The following COL5A2 variants were observed in gnomAD, a reference collection of about 807,000 sequenced individuals.
COL5A2 encodes collagen type V alpha 2 chain.
Under a neutral mutation model 208.2 loss-of-function variants are expected in COL5A2, and 23 were observed. The ratio of observed to expected loss-of-function variants is 0.11; its 90% CI spans 0.08 to 0.16. The LOEUF (loss-of-function observed/expected upper bound fraction) is 0.16, where lower values mean the gene tolerates loss of function less well. COL5A2 is among the 10% of genes least tolerant of loss of function. COL5A2 has a pLI of 1.00. For missense variants in COL5A2, 1,590 were observed against 1,956.4 expected (o/e 0.81, Z 3.53); for synonymous variants, 625 against 628.5 (o/e 0.99, Z 0.08).
the COL5A2 span, among the ~76,000 whole-genome samples, chr2:189,253,576 TG>T: frequency 6.6e-6 from 1 of 152,258 alleles, no homozygotes; most frequent in Non-Finnish European, 1.5e-5. Context: ...ATATATTGCA[TG>T]TTTACCTTTA....
At chr2:189,437,743 C>G in the COL5A2 span, among the ~76,000 whole-genome samples, 3 of 152,134 alleles carry the variant, frequency 2.0e-5, no homozygotes, top group African/African-American at 4.8e-5. Flanking sequence ...ATTGCACCAT[C>G]ATTAGGGAAT....
chr2:189,209,370 A>C (rs572536610), intron 1 of COL5A2, among the ~76,000 whole-genome samples: 1 of 152,298 alleles, frequency 6.6e-6, no homozygotes, highest in East Asian at 1.9e-4. Context: ...TGGCTATCCG[A>C]GTGAAGATTG....
chr2:189,132,865 G>T (rs898928226), intron 1 of COL5A2, among the ~76,000 whole-genome samples: 1 of 151,694 alleles, frequency 6.6e-6, no homozygotes, highest in African/African-American at 2.4e-5. Flanking sequence ...AGATTGCAGC[G>T]AGCTGAGATC....
chr2:189,102,448 G>A (rs1026832431), intron 3 of COL5A2, among the ~76,000 whole-genome samples: 6 of 152,002 alleles, frequency 3.9e-5, no homozygotes, highest in African/African-American at 1.4e-4. Context: ...AGCCACAAAT[G>A]TAAATATTTG....
At chr2:189,065,591 T>G (rs1307261210) in intron 23 of COL5A2, among the ~76,000 whole-genome samples, 1 of 151,942 alleles carries the variant, frequency 6.6e-6, no homozygotes, top group Non-Finnish European at 1.5e-5. Flanking sequence ...CATAGTAAAA[T>G]TAAACAGAGA....
Position 189,108,263 on chromosome 2 carries a change from C to T in COL5A2, c.322+1962G>A, listed in dbSNP as rs114539959. Among the ~76,000 whole-genome samples, 1,188 of 151,832 alleles carry T rather than the reference C, an allele frequency of 7.8e-3. 15 individuals carry two copies. Among genetic ancestry groups the T allele is most frequent in the African/African-American group, 0.027 (1,111 of 41,512 alleles). Reference sequence around the variant, plus strand: ...TCTTTGACAGTTTCTTCAATTAACTCTTGGTTGCCTTGCATTTAGCCGATG... The same window carrying T: ...TCTTTGACAGTTTCTTCAATTAACTTTTGGTTGCCTTGCATTTAGCCGATG... On this transcript the variant is annotated intron_variant, in intron 2 of 53. Coordinates refer to ENST00000374866, the MANE Select transcript of COL5A2 (RefSeq NM_000393.5).
intron 1 of COL5A2, among the ~76,000 whole-genome samples, chr2:189,220,051 G>A (rs759834965): frequency 2.0e-4 from 31 of 152,082 alleles, no homozygotes; most frequent in Admixed American, 1.9e-3. Flanking sequence ...ATGATGGGTC[G>A]AAATGCAGGC....
intron 51 of COL5A2, among the ~76,000 whole-genome samples, chr2:189,037,888 C>T (rs888383723): frequency 6.6e-6 from 1 of 152,098 alleles, no homozygotes; most frequent in East Asian, 1.9e-4. Flanking sequence ...TTGAACAATA[C>T]TTAAGCAAGC....
chr2:189,354,381 T>C, the COL5A2 span, among the ~76,000 whole-genome samples: 7 of 152,334 alleles, frequency 4.6e-5, no homozygotes, highest in South Asian at 1.2e-3. Context: ...TTACCTCTTG[T>C]AGAATTCAGC....
At chr2:189,235,544 C>T in the COL5A2 span, among the ~76,000 whole-genome samples, 44 of 151,856 alleles carry the variant, frequency 2.9e-4, no homozygotes, top group South Asian at 1.2e-3. Context: ...TTTTGAACTT[C>T]CCACAAACAT....
chr2:189,407,846 T>C, the COL5A2 span, among the ~76,000 whole-genome samples: 3 of 152,336 alleles, frequency 2.0e-5, no homozygotes, highest in East Asian at 5.8e-4. Context: ...ACAGTTGACC[T>C]GTAGTCAGGA....
intron 30 of COL5A2, 23 bp from the exon 31 acceptor site, chr2:189,060,806 A>C: frequency 6.2e-7 from 1 of 1,605,286 alleles, no homozygotes; most frequent in Non-Finnish European, 8.5e-7. Context: ...TAAGAAAATA[A>C]AATTGTGAAT....
chr2:189,188,543 C>A (rs1048153774), intron 1 of COL5A2, among the ~76,000 whole-genome samples: 11 of 152,156 alleles, frequency 7.2e-5, no homozygotes, highest in Non-Finnish European at 1.3e-4. Context: ...TTGGAATAGA[C>A]AATTCTCTGT....
chr2:189,070,727 G>A lies in COL5A2; in HGVS notation c.1158+1313C>T, dbSNP rs574025509. ...ACCAGAACTCAATTTGGGGACGGAGGGTCTCACAAAAAGAGGGAAGGGATT... is the reference window on the plus strand; with the variant it reads ...ACCAGAACTCAATTTGGGGACGGAGAGTCTCACAAAAAGAGGGAAGGGATT... On this transcript the variant is annotated intron_variant, in intron 18 of 53. Coordinates refer to ENST00000374866, the MANE Select transcript of COL5A2 (RefSeq NM_000393.5). Among the ~76,000 whole-genome samples the A allele has an allele frequency of 2.0e-5, 3 of 152,192 alleles. No individual in the cohort carries two copies. The South Asian group carries it at 6.2e-4, about 32-fold the overall frequency.
intron 47 of COL5A2, among the ~76,000 whole-genome samples, chr2:189,044,500 A>G (rs1685623168): frequency 6.6e-6 from 1 of 152,190 alleles, no homozygotes; most frequent in African/African-American, 2.4e-5. Flanking sequence ...CAAAATTACA[A>G]TGTTTCTATA....
In COL5A2 at chr2:189,035,165, CAA is replaced by C. The variant is rs1417666012; in HGVS notation, c.4114-12_4114-11del. On this transcript the variant is annotated splice_polypyrimidine_tract_variant and intron_variant, in intron 52 of 53. Transcript: ENST00000374866. Reference sequence around the variant, plus strand: ...GGTCTCCATAAGCGAACTAGAAAAACAAAGAGTCTTTGTCATACACAAGACTG... The same window carrying C: ...GGTCTCCATAAGCGAACTAGAAAAACAGAGTCTTTGTCATACACAAGACTG... 2 of 1,613,602 alleles carry C rather than the reference CAA, an allele frequency of 1.2e-6. No homozygotes were observed. Among genetic ancestry groups the C allele is most frequent in the South Asian group, 1.1e-5 (1 of 91,084 alleles).
At position 189,038,896 on chromosome 2, in the gene COL5A2, A is replaced by G. The variant is rs550109547; in HGVS notation, c.3925+376T>C. Among the ~76,000 whole-genome samples the G allele has an allele frequency of 5.9e-5, 9 of 152,038 alleles. No homozygotes were observed. The South Asian group carries it at 1.9e-3, about 32-fold the overall frequency. On this transcript the variant is annotated intron_variant, in intron 51 of 53. Coordinates refer to ENST00000374866, the MANE Select transcript of COL5A2 (RefSeq NM_000393.5). ...AGTAGAGACGGGGTTTCACCATGTTAGCCAGGATGGTCTTGATCTCCTGAC... is the reference window on the plus strand; with the variant it reads ...AGTAGAGACGGGGTTTCACCATGTTGGCCAGGATGGTCTTGATCTCCTGAC...
chr2:189,148,857 T>C (rs192128116), intron 1 of COL5A2, among the ~76,000 whole-genome samples: 584 of 152,308 alleles, frequency 3.8e-3, no homozygotes, highest in Non-Finnish European at 6.1e-3. Flanking sequence ...ATACTGATTA[T>C]GGCCTGGTGC....
At chr2:189,085,840 A>G in intron 9 of COL5A2, 68 bp from the exon 10 acceptor site, 1 of 1,267,764 alleles carries the variant, frequency 7.9e-7, no homozygotes, top group East Asian at 2.3e-5. Flanking sequence ...GTACTCTGTC[A>G]ATATACAGTG....
Sources: allele counts gnomAD v4.1 joint callset (sites outside exome capture counted in the v4.1 genomes callset), GRCh38; gene constraint gnomAD v4.1.1; transcripts MANE v1.5; gene names NCBI Gene and HGNC (gene_info 2026-07-23, HGNC 2026-07-21).